Variants in MTMR8 observed in about 807,000 individuals in gnomAD.
The protein encoded by MTMR8 is myotubularin related protein 8.
Under a neutral mutation model 39.3 loss-of-function variants are expected in MTMR8, and 65 were observed. The ratio of observed to expected loss-of-function variants is 1.65; its 90% CI spans 1.35 to 2.03. The LOEUF (loss-of-function observed/expected upper bound fraction) is 2.03. Among genes scored for constraint, MTMR8 ranks in the 30% most tolerant of loss-of-function variants. The pLI is 0.00. For synonymous variants in MTMR8, 245 were observed against 185.2 expected, an observed-to-expected ratio of 1.32 and a Z score of -2.62; for missense variants, 777 against 538.9, an observed-to-expected ratio of 1.44 and a Z score of -4.37.
In MTMR8 at chrX:64,395,371, G is replaced by T; in HGVS notation, c.-8C>A. The T allele has an allele frequency of 8.3e-7, 1 of 1,209,309 alleles. No homozygotes were observed. The highest frequency in any genetic ancestry group is 1.1e-6 in the Non-Finnish European group (1 of 894,422). On this transcript the variant is annotated 5_prime_UTR_variant, in exon 1 of 14. In the 5' UTR this introduces an upstream ATG that the reference lacks. Transcript: ENST00000374852. ...TACCGTAATATGATCCATGACTGCAGTTCCCGCCACCGGAAGATCTCAGTG... is the reference window on the plus strand; with the variant it reads ...TACCGTAATATGATCCATGACTGCATTTCCCGCCACCGGAAGATCTCAGTG...
rs141771291 is a variant in MTMR8, at chrX:64,302,974, G to C, written c.1481+25798C>G. On this transcript the variant is annotated intron_variant, in intron 12 of 13. Coordinates refer to ENST00000374852, the MANE Select transcript of MTMR8 (RefSeq NM_017677.4). ...CCCTCAGGCCTATACCAGAGAGTCT[G>C]GATGGCCTCGTGCTGTGAAGGATTT... 5.1e-3 allele frequency among the ~76,000 whole-genome samples: 578 copies of C among 112,349 alleles called. 1 individual carries two copies. Among genetic ancestry groups the C allele is most frequent in the Middle Eastern group, 0.033 (7 of 215 alleles).
At position 64,345,179 on chromosome X, in the gene MTMR8, T is replaced by G. The variant is rs764875688; in HGVS notation, c.733-2A>C. On this transcript the variant is annotated splice_acceptor_variant, in intron 6 of 13. Transcript: ENST00000374852. LOFTEE classifies it high-confidence loss of function. ...TGCTCGGTTGGCCATGGCATTCAAC[T>G]GCAATAGCAGAGGACATAATAGAGC... 8 of 1,210,531 alleles carry G rather than the reference T, an allele frequency of 6.6e-6. No individual in the cohort carries two copies. The highest frequency in any genetic ancestry group is 8.9e-6 in the Non-Finnish European group (8 of 894,645).
intron 12 of MTMR8, chrX:64,304,911 CAT>C (rs1922041160): frequency 1.7e-4 from 10 of 59,373 alleles, no homozygotes; most frequent in African/African-American, 4.7e-4. Flanking sequence ...TATATATACA[CAT>C]ACATATATAT....
intron 12 of MTMR8, among the ~76,000 whole-genome samples, chrX:64,301,878 G>A (rs765665307): frequency 3.6e-5 from 4 of 111,991 alleles, no homozygotes; most frequent in African/African-American, 1.3e-4. Flanking sequence ...TAGGCTGCTT[G>A]GGGGTCAGGG....
Position 64,271,059 on chromosome X carries a change from A to G in MTMR8, c.1496T>C (p.Met499Thr). Residue 499 changes from methionine (M) to threonine (T), a missense_variant, in exon 13 of 14, where the codon ATG becomes ACG. By Grantham distance (81) the Met-to-Thr change is moderately conservative (BLOSUM62 -1). Transcript: ENST00000374852. ...VPYNIQFWCG[M>T]YNRFDKGLQP... is the part of the protein sequence containing the mutation. The stretch of plus-strand genomic sequence containing the variant: ...CAGCCCTTTGTCAAAGCGGTTATAC[A>G]TCCCACACCAGAACCTCAAATAGAC... 2 of 1,198,621 alleles carry G rather than the reference A, an allele frequency of 1.7e-6. No individual in the cohort carries two copies. Among genetic ancestry groups the G allele is most frequent in the Admixed American group, 2.3e-5 (1 of 43,638 alleles).
intron 2 of MTMR8, among the ~76,000 whole-genome samples, chrX:64,358,217 G>T (rs889781180): frequency 1.8e-5 from 2 of 111,621 alleles, no homozygotes; most frequent in African/African-American, 6.5e-5. Flanking sequence ...ACAAGCCCAA[G>T]GAGTAAGAAT....
In MTMR8 at chrX:64,387,068, A is replaced by G. The variant is rs143663360; in HGVS notation, c.24+8272T>C. ...GGCCTTGTCTCAAAAAAGAAAAGAA[A>G]GAAACTAGGCTTGCCCCTGCTAGAC... is the stretch of plus-strand genomic sequence containing the variant. On this transcript the variant is annotated intron_variant, in intron 1 of 13. Transcript: ENST00000374852. Among the ~76,000 whole-genome samples the G allele has an allele frequency of 8.1e-5, 9 of 111,239 alleles. No individual in the cohort carries two copies. In the East Asian group the frequency reaches 2.6e-3, roughly 32 times the overall value.
At position 64,345,143 on chromosome X, in the gene MTMR8, C is replaced by T. The variant is rs763304212; in HGVS notation, c.767G>A (p.Gly256Glu). 2 of 1,209,417 alleles carry T rather than the reference C, an allele frequency of 1.7e-6. No individual in the cohort carries two copies. The highest frequency in any genetic ancestry group is 3.5e-5 in the African/African-American group (2 of 57,197). The change falls in exon 7 of 14, where the codon GGG becomes GAG. Residue 256 changes from glycine to glutamate, a missense_variant. Transcript: ENST00000374852. Reference sequence around the variant, plus strand: ...GGCATAGTTGTCTTCATTTTCATACCCCTTCCCAGCTGCTCGGTTGGCCAT... The same window carrying T: ...GGCATAGTTGTCTTCATTTTCATACTCCTTCCCAGCTGCTCGGTTGGCCAT... ...NAMANRAAGK[G>E]YENEDNYANI... is the part of the protein sequence containing the mutation.
intron 12 of MTMR8, among the ~76,000 whole-genome samples, chrX:64,316,747 T>G (rs984740253): frequency 9.0e-6 from 1 of 111,636 alleles, no homozygotes; most frequent in African/African-American, 3.3e-5. Flanking sequence ...TGATTTCTGA[T>G]GAGAAATCCA....
intron 12 of MTMR8, among the ~76,000 whole-genome samples, chrX:64,300,297 G>T (rs1921806791): frequency 9.0e-6 from 1 of 111,542 alleles, no homozygotes. Flanking sequence ...AGGATAGTTA[G>T]CTCTTCTTGT....
chrX:64,375,673 G>A (rs185169351), intron 1 of MTMR8, among the ~76,000 whole-genome samples: 249 of 111,812 alleles, frequency 2.2e-3, no homozygotes, highest in African/African-American at 8.0e-3. Flanking sequence ...CTTCTGCCAT[G>A]TGAGGAGGCA....
At chrX:64,302,061 A>C (rs1921901708) in intron 12 of MTMR8, among the ~76,000 whole-genome samples, 1 of 112,848 alleles carries the variant, frequency 8.9e-6, no homozygotes, top group Non-Finnish European at 1.9e-5. Flanking sequence ...CTACAGAGGC[A>C]GGCAGGCCTC....
At chrX:64,288,432 A>G (rs1921277589) in intron 12 of MTMR8, among the ~76,000 whole-genome samples, 1 of 111,871 alleles carries the variant, frequency 8.9e-6, no homozygotes, top group Admixed American at 9.5e-5. Context: ...ACTGTAAACT[A>G]GTTCAACCAT....
chrX:64,391,867 C>A (rs749674252), intron 1 of MTMR8, among the ~76,000 whole-genome samples: 52 of 112,204 alleles, frequency 4.6e-4, no homozygotes, highest in African/African-American at 1.5e-3. Flanking sequence ...GACAGCCTGG[C>A]TCCAAAGTAT....
chrX:64,374,497 C>T (rs1302820611), intron 1 of MTMR8, among the ~76,000 whole-genome samples: 1 of 111,756 alleles, frequency 8.9e-6, no homozygotes, highest in Non-Finnish European at 1.9e-5. Context: ...TAAGCACGCT[C>T]TTTATCCTAA....
chrX:64,307,673 T>C (rs1239263428), intron 12 of MTMR8, among the ~76,000 whole-genome samples: 6 of 111,780 alleles, frequency 5.4e-5, no homozygotes, highest in Admixed American at 1.9e-4. Context: ...TCTTAGCTAT[T>C]CTACCTCCGC....
At chrX:64,351,743 T>C (rs1222892124) in intron 4 of MTMR8, among the ~76,000 whole-genome samples, 1 of 111,446 alleles carries the variant, frequency 9.0e-6, no homozygotes, top group East Asian at 2.9e-4. Context: ...GCTGAAGTAC[T>C]TGAAGTCTGA....
In MTMR8 at chrX:64,328,878, C is replaced by A. The variant is rs762573973; in HGVS notation, c.1375G>T (p.Val459Leu). 6 of 1,192,878 alleles carry A rather than the reference C, an allele frequency of 5.0e-6. No homozygotes were observed. The Admixed American group carries it at 7.5e-5, about 15-fold the overall frequency. The stretch of plus-strand genomic sequence containing the variant: ...TTCCTCTGAACCAAGAAAGGCCACA[C>A]AGAATGTGTTTTCTCATAGACTCTG... Reference protein sequence around the residue: ...DLRVYEKTHSVWPFLVQRKPD... With the variant: ...DLRVYEKTHSLWPFLVQRKPD... Residue 459 changes from valine (V) to leucine (L), a missense_variant, in exon 12 of 14, where the codon GTG becomes TTG. Coordinates refer to ENST00000374852, the MANE Select transcript of MTMR8 (RefSeq NM_017677.4).
chrX:64,346,417 A>G (rs1300173987), intron 6 of MTMR8, among the ~76,000 whole-genome samples: 3 of 111,303 alleles, frequency 2.7e-5, no homozygotes, highest in Non-Finnish European at 5.7e-5. Flanking sequence ...TTGATCTTTT[A>G]TCACATTGAT....
Sources: gnomAD v4.1 joint callset for allele counts (sites outside exome capture counted in the v4.1 genomes callset) on GRCh38, gnomAD v4.1.1 for gene constraint, MANE v1.5 for transcripts, NCBI Gene and HGNC (gene_info 2026-07-23, HGNC 2026-07-21) for gene names.